Variants in PAPPA observed in about 807,000 individuals in gnomAD.
The protein encoded by PAPPA is pappalysin 1.
Under a neutral mutation model 164.0 loss-of-function variants are expected in PAPPA, and 60 were observed. The ratio of observed to expected loss-of-function variants is 0.37; its 90% confidence interval spans 0.30 to 0.45. The LOEUF is 0.45. PAPPA is among the 20% of genes least tolerant of loss of function. The probability of loss-of-function intolerance (pLI) is 1.00; values close to 1 mark genes in which losing one functional copy is unlikely to be tolerated. For synonymous variants in PAPPA, 875 were observed against 814.1 expected, an observed-to-expected ratio of 1.07 and a Z score of -1.27; for missense variants, 1,782 against 2,087.3, an observed-to-expected ratio of 0.85 and a Z score of 2.85.
intron 21 of PAPPA, among the ~76,000 whole-genome samples, chr9:116,385,381 C>T (rs1025069080): frequency 2.0e-5 from 3 of 152,124 alleles, no homozygotes; most frequent in East Asian, 3.9e-4. Flanking sequence ...TCTCTGACCT[C>T]ATGATCCACC....
intron 3 of PAPPA, among the ~76,000 whole-genome samples, chr9:116,208,258 C>G (rs937118986): frequency 6.6e-6 from 1 of 152,206 alleles, no homozygotes; most frequent in Admixed American, 6.5e-5. Context: ...TTTTTCCATG[C>G]TCTCTTCCAG....
chr9:116,238,327 T>G (rs944996747), intron 7 of PAPPA, among the ~76,000 whole-genome samples: 1 of 152,190 alleles, frequency 6.6e-6, no homozygotes, highest in African/African-American at 2.4e-5. Flanking sequence ...TCAGAAACTC[T>G]GAGTGCAGGG....
At chr9:116,211,411 T>C (rs903117376) in intron 3 of PAPPA, among the ~76,000 whole-genome samples, 2 of 152,194 alleles carry the variant, frequency 1.3e-5, no homozygotes, top group African/African-American at 4.8e-5. Flanking sequence ...GGCGTTTTCA[T>C]ATGAAAAATA....
At position 116,311,552 on chromosome 9, in the gene PAPPA, G is replaced by C. The variant is rs118111619; in HGVS notation, c.3147+8602G>C. Among the ~76,000 whole-genome samples, 1,141 of 152,250 alleles carry C rather than the reference G, an allele frequency of 7.5e-3. 7 individuals are homozygous for C. The highest frequency in any genetic ancestry group is 0.044 in the Middle Eastern group (13 of 294). On this transcript the variant is annotated intron_variant, in intron 10 of 21. Transcript: ENST00000328252. Reference sequence around the variant, plus strand: ...AAAAACATTGTAGTGTAGCCATATTGTTTCACAGAGGAAGCATAAGCTTTA... The same window carrying C: ...AAAAACATTGTAGTGTAGCCATATTCTTTCACAGAGGAAGCATAAGCTTTA...
At chr9:116,243,246 G>A (rs1844757000) in intron 7 of PAPPA, among the ~76,000 whole-genome samples, 1 of 152,144 alleles carries the variant, frequency 6.6e-6, no homozygotes, top group Non-Finnish European at 1.5e-5. Context: ...AGATACAATA[G>A]GTAACAAAAA....
intron 9 of PAPPA, among the ~76,000 whole-genome samples, chr9:116,272,306 G>C (rs1323996484): frequency 6.6e-6 from 1 of 152,196 alleles, no homozygotes; most frequent in Non-Finnish European, 1.5e-5. Flanking sequence ...TCATTTGCAA[G>C]TACAAAAGAC....
Position 116,398,598 on chromosome 9 carries a change from G to T in PAPPA, c.*1982G>T. On this transcript the variant is annotated 3_prime_UTR_variant, in exon 22 of 22. Coordinates refer to ENST00000328252, the MANE Select transcript of PAPPA (RefSeq NM_002581.5). ...AGAAGACATCTATTGGCCATCTCTG[G>T]CCAATTACACTAAGAAACATATCAA... The T allele has an allele frequency of 8.1e-7, 1 of 1,227,782 alleles. No individual in the cohort carries two copies. The highest frequency in any genetic ancestry group is 1.1e-6 in the Non-Finnish European group (1 of 932,724). The allele number at this position is 1,227,782 out of a possible 1,614,324, so 76.1% of individuals were successfully genotyped here.
chr9:116,359,948 G>GC (rs1410677268), intron 17 of PAPPA, among the ~76,000 whole-genome samples: 2 of 152,216 alleles, frequency 1.3e-5, no homozygotes, highest in Admixed American at 1.3e-4. Context: ...AACACAAAGT[G>GC]CCAGATGAAC....
At chr9:116,358,556 T>C (rs556918606) in intron 17 of PAPPA, among the ~76,000 whole-genome samples, 21 of 152,358 alleles carry the variant, frequency 1.4e-4, no homozygotes, top group African/African-American at 4.6e-4. Context: ...ATGGTGGAAC[T>C]GACACTCTTG....
chr9:116,170,389 C>A (rs552368905), intron 1 of PAPPA, among the ~76,000 whole-genome samples: 1 of 152,096 alleles, frequency 6.6e-6, no homozygotes, highest in Admixed American at 6.5e-5. Flanking sequence ...ATATAATCTA[C>A]AACTTTGTTT....
intron 6 of PAPPA, among the ~76,000 whole-genome samples, chr9:116,231,730 G>T (rs57155185): frequency 6.9e-6 from 1 of 145,050 alleles, no homozygotes; most frequent in African/African-American, 2.6e-5. Context: ...TAGTGTCTGT[G>T]TCTCTAAACA....
chr9:116,228,515 T>C, intron 6 of PAPPA, among the ~76,000 whole-genome samples: 1 of 152,072 alleles, frequency 6.6e-6, no homozygotes, highest in South Asian at 2.1e-4. Context: ...AAGCCAGAGA[T>C]AGAATAAAGC....
chr9:116,386,763 G>A (rs1326630608), intron 21 of PAPPA, among the ~76,000 whole-genome samples: 1 of 152,130 alleles, frequency 6.6e-6, no homozygotes, highest in African/African-American at 2.4e-5. Flanking sequence ...GGGAACTTTG[G>A]CAAAGAGGAG....
chr9:116,215,969 T>A (rs1183439033), intron 4 of PAPPA, among the ~76,000 whole-genome samples: 1 of 152,140 alleles, frequency 6.6e-6, no homozygotes, highest in African/African-American at 2.4e-5. Context: ...TATACATACA[T>A]ATACACACAT....
At chr9:116,339,876 G>T (rs1297109829) in intron 13 of PAPPA, among the ~76,000 whole-genome samples, 1 of 152,194 alleles carries the variant, frequency 6.6e-6, no homozygotes, top group Non-Finnish European at 1.5e-5. Context: ...TGACAATGGA[G>T]ACAGCAGTGG....
rs2118916104 is a variant in PAPPA at position 116,315,392 on chromosome 9, T to C, written c.3147+12442T>C. Among the ~76,000 whole-genome samples the C allele has an allele frequency of 5.3e-5, 8 of 152,340 alleles. 2 individuals are homozygous for C. The highest frequency in any genetic ancestry group is 5.2e-4 in the Admixed American group (8 of 15,296). ...GAGAAGGGTTGTTTGGTAACTGTTT[T>C]TGTGTGCTTACTCCTGTGTGTTCCA... On this transcript the variant is annotated intron_variant, in intron 10 of 21. Coordinates refer to ENST00000328252, the MANE Select transcript of PAPPA (RefSeq NM_002581.5).
chr9:116,219,942 G>A lies in PAPPA; in HGVS notation c.1924G>A (p.Asp642Asn), dbSNP rs764482965. Residue 642 changes from aspartate (D) to asparagine (N), a missense_variant, in exon 5 of 22, where the codon GAC becomes AAC. Coordinates refer to ENST00000328252, the MANE Select transcript of PAPPA (RefSeq NM_002581.5). The stretch of plus-strand genomic sequence containing the variant: ...CTCCCTCTGCCTGCTTGCAGATGAC[G>A]ACTGTACGGACTCCTTCACGCCCAA... ...YNNFMSYADDDCTDSFTPNQV... is the reference protein window; with the variant it reads ...YNNFMSYADDNCTDSFTPNQV... 6 of 1,610,794 alleles carry A rather than the reference G, an allele frequency of 3.7e-6. No individual in the cohort carries two copies. Among genetic ancestry groups the A allele is most frequent in the Admixed American group, 1.7e-5 (1 of 59,970 alleles).
intron 2 of PAPPA, among the ~76,000 whole-genome samples, chr9:116,190,276 G>T (rs1844025700): frequency 6.6e-6 from 1 of 152,110 alleles, no homozygotes; most frequent in South Asian, 2.1e-4. Context: ...GTGGGCGTGG[G>T]GTAGGATGGG....
intron 10 of PAPPA, among the ~76,000 whole-genome samples, chr9:116,324,047 A>G (rs1845892414): frequency 1.3e-5 from 2 of 152,208 alleles, no homozygotes; most frequent in African/African-American, 4.8e-5. Flanking sequence ...CAGGAGCCCC[A>G]GGGAAAGACA....
Sources: allele counts gnomAD v4.1 joint callset (sites outside exome capture counted in the v4.1 genomes callset), GRCh38; gene constraint gnomAD v4.1.1; transcripts MANE v1.5; gene names NCBI Gene and HGNC (gene_info 2026-07-23, HGNC 2026-07-21).